The following TBC1D19 variants were observed in gnomAD, a reference collection of about 807,000 sequenced individuals.
The protein encoded by TBC1D19 is TBC1 domain family, member 19.
TBC1D19 carries 60 observed loss-of-function variants against 89.0 expected under a neutral mutation model. That is an observed-to-expected ratio of 0.67 (90% CI 0.55 to 0.84). The LOEUF (loss-of-function observed/expected upper bound fraction) is 0.84, where lower values mean the gene tolerates loss of function less well. TBC1D19 is among the 40% of genes least tolerant of loss of function. The pLI is 0.00. For missense variants in TBC1D19, 500 were observed against 610.8 expected (o/e 0.82, Z 1.91); for synonymous variants, 189 against 199.7 (o/e 0.95, Z 0.45).
intron 10 of TBC1D19, among the ~76,000 whole-genome samples, chr4:26,673,460 C>T (rs1046857849): frequency 1.1e-4 from 16 of 147,496 alleles, no homozygotes; most frequent in Non-Finnish European, 1.5e-4. Context: ...CACACACACA[C>T]ACACACACAC....
chr4:26,838,516 A>T, the TBC1D19 span, among the ~76,000 whole-genome samples: 12 of 152,218 alleles, frequency 7.9e-5, no homozygotes, highest in Admixed American at 2.0e-4. Flanking sequence ...TTGTGTTCTT[A>T]CATACTTGAC....
the TBC1D19 span, among the ~76,000 whole-genome samples, chr4:26,780,298 C>T: frequency 1.1e-4 from 16 of 152,222 alleles, no homozygotes; most frequent in African/African-American, 3.6e-4. Flanking sequence ...GTTAACAAGG[C>T]ATCTTACCAC....
chr4:26,831,418 A>C, the TBC1D19 span, among the ~76,000 whole-genome samples: 1 of 152,152 alleles, frequency 6.6e-6, no homozygotes, highest in Admixed American at 6.5e-5. Flanking sequence ...TGTTACAGTA[A>C]AAAGAAACAA....
chr4:26,614,663 C>A (rs1184023746), intron 3 of TBC1D19, among the ~76,000 whole-genome samples: 1 of 151,542 alleles, frequency 6.6e-6, no homozygotes, highest in African/African-American at 2.4e-5. Flanking sequence ...TGTTTTTTAC[C>A]ACCCACTATT....
At chr4:26,665,820 C>A (rs1711759406) in intron 8 of TBC1D19, among the ~76,000 whole-genome samples, 1 of 151,890 alleles carries the variant, frequency 6.6e-6, no homozygotes, top group African/African-American at 2.4e-5. Context: ...TAGTTTTTTA[C>A]TGAAAGGATA....
chr4:26,747,610 C>T (rs1718720548), intron 18 of TBC1D19, among the ~76,000 whole-genome samples: 1 of 152,132 alleles, frequency 6.6e-6, no homozygotes, highest in Admixed American at 6.5e-5. Flanking sequence ...AACAGTTTAG[C>T]TAGTACCTGT....
intron 1 of TBC1D19, among the ~76,000 whole-genome samples, chr4:26,609,957 A>T (rs543845759): frequency 6.6e-6 from 1 of 152,290 alleles, no homozygotes; most frequent in Non-Finnish European, 1.5e-5. Context: ...ACCAATAAAC[A>T]TAGTAAATAA....
At position 26,688,259 on chromosome 4, in the gene TBC1D19, T is replaced by C. The variant is rs181305431; in HGVS notation, c.892-86T>C. 98 of 1,421,796 alleles carry C rather than the reference T, an allele frequency of 6.9e-5. No homozygotes were observed. The African/African-American group carries it at 1.2e-3, about 18-fold the overall frequency. 88.1% of individuals were successfully genotyped at this position (1,421,796 alleles called of 1,614,324 possible). A position where few individuals can be genotyped will look rare whatever the true frequency, so the allele number is the denominator to read the frequency against. On this transcript the variant is annotated intron_variant, in intron 12 of 20. Coordinates refer to ENST00000264866, the MANE Select transcript of TBC1D19 (RefSeq NM_018317.4). ...TCATAAAGTAATAAATTTATTGCAG[T>C]AGTGCTTCTAAATACATGTGTATGC...
chr4:26,769,790 C>T, the TBC1D19 span, among the ~76,000 whole-genome samples: 4 of 152,098 alleles, frequency 2.6e-5, no homozygotes, highest in African/African-American at 9.6e-5. Flanking sequence ...TCAAGCAATC[C>T]ACCCTCCTCA....
intron 11 of TBC1D19, among the ~76,000 whole-genome samples, chr4:26,682,667 T>C (rs1713457651): frequency 6.6e-6 from 1 of 152,170 alleles, no homozygotes; most frequent in South Asian, 2.1e-4. Context: ...AATACACATG[T>C]CAGCTAAAGC....
At chr4:26,758,139 C>T (rs1166063943), downstream of TBC1D19, among the ~76,000 whole-genome samples, 2 of 152,104 alleles carry the variant, frequency 1.3e-5, no homozygotes, top group Non-Finnish European at 2.9e-5. Context: ...ATTAATTATG[C>T]CCTTCTCCTT....
intron 11 of TBC1D19, 148 bp from the exon 12 acceptor site, chr4:26,683,524 TCTA>T (rs1282588845): frequency 4.2e-5 from 22 of 526,150 alleles, no homozygotes; most frequent in African/African-American, 3.3e-4. Context: ...TTGTTGAACA[TCTA>T]CTATTAGTCA....
intron 7 of TBC1D19, among the ~76,000 whole-genome samples, chr4:26,641,937 A>T (rs1464308716): frequency 6.6e-6 from 1 of 152,224 alleles, no homozygotes; most frequent in African/African-American, 2.4e-5. Context: ...ATGTGAAAAG[A>T]CCAAATCTAC....
In TBC1D19 at chr4:26,686,016, C is replaced by T. The variant is rs148899796; in HGVS notation, c.891+2267C>T. ...AAGTTTTAATGGCATCTAAGCTGTG[C>T]GCAACGTGAATGTTTTTAGGAAGAT... On this transcript the variant is annotated intron_variant, in intron 12 of 20. Transcript: ENST00000264866. 2.9e-3 allele frequency among the ~76,000 whole-genome samples: 435 copies of T among 152,182 alleles called. 1 individual carries two copies. The highest frequency in any genetic ancestry group is 9.9e-3 in the African/African-American group (413 of 41,530).
chr4:26,822,850 A>G, the TBC1D19 span, among the ~76,000 whole-genome samples: 1 of 152,230 alleles, frequency 6.6e-6, no homozygotes, highest in East Asian at 1.9e-4. Context: ...TTGTAGAGAC[A>G]TGATAGACAT....
At chr4:26,688,284 C>A in intron 12 of TBC1D19, 61 bp from the exon 13 acceptor site, 1 of 1,504,036 alleles carries the variant, frequency 6.6e-7, no homozygotes, top group South Asian at 1.3e-5. Context: ...CATGTGTATG[C>A]TTTAGTACTA....
intron 15 of TBC1D19, among the ~76,000 whole-genome samples, chr4:26,734,953 T>TATGTATATGTATATATGTATACACAC (rs1422159667): frequency 1.2e-4 from 7 of 59,300 alleles, no homozygotes; most frequent in Admixed American, 5.9e-4. Context: ...TGTATACACA[T>TATGTATATGTATATATGTATACACAC]ATGTATATGT....
chr4:26,595,115 G>C (rs1057203878), intron 1 of TBC1D19, among the ~76,000 whole-genome samples: 2 of 152,158 alleles, frequency 1.3e-5, no homozygotes, highest in African/African-American at 4.8e-5. Context: ...TGCTATCACT[G>C]TTTTGGATTT....
chr4:26,698,829 G>T (rs906725437), intron 13 of TBC1D19, among the ~76,000 whole-genome samples: 6 of 152,156 alleles, frequency 3.9e-5, no homozygotes, highest in South Asian at 2.1e-4. Flanking sequence ...GCTGAAACTG[G>T]ATCCCTTCCT....
Sources: allele counts gnomAD v4.1 joint callset (sites outside exome capture counted in the v4.1 genomes callset), GRCh38; gene constraint gnomAD v4.1.1; transcripts MANE v1.5; gene names NCBI Gene and HGNC (gene_info 2026-07-23, HGNC 2026-07-21).